Variants in SPIDR observed in about 807,000 individuals in gnomAD.
SPIDR encodes the protein scaffold protein involved in DNA repair, also known as DNA repair-scaffolding protein.
A neutral mutation model predicts 104.6 loss-of-function variants in SPIDR; 93 were observed. The ratio of observed to expected loss-of-function variants is 0.89; its 90% CI spans 0.75 to 1.06. The LOEUF is 1.06. Among genes scored for constraint, SPIDR ranks in the 50% least tolerant of loss-of-function variants. The probability of loss-of-function intolerance (pLI) is 0.00; values close to 1 mark genes in which losing one functional copy is unlikely to be tolerated. For missense variants in SPIDR, 1,154 were observed against 1,111.2 expected (o/e 1.04, Z -0.55); for synonymous variants, 431 against 416.9 (o/e 1.03, Z -0.41).
chr8:47,629,360 G>A (rs1263965949), intron 10 of SPIDR, among the ~76,000 whole-genome samples: 8 of 152,088 alleles, frequency 5.3e-5, no homozygotes, highest in African/African-American at 1.2e-4. Flanking sequence ...TAGGCTTGGC[G>A]GGCCATACCA....
chr8:47,378,361 A>G (rs1554643607), intron 5 of SPIDR, among the ~76,000 whole-genome samples: 1 of 152,248 alleles, frequency 6.6e-6, no homozygotes, highest in East Asian at 1.9e-4. Flanking sequence ...CCTTAATACT[A>G]AAGTCCTTGG....
chr8:47,597,497 G>A (rs969583349), intron 9 of SPIDR, among the ~76,000 whole-genome samples: 4 of 152,038 alleles, frequency 2.6e-5, no homozygotes, highest in African/African-American at 4.8e-5. Flanking sequence ...GGAATTTTTC[G>A]TCTCCATCAT....
chr8:47,585,135 G>A (rs75818181), intron 8 of SPIDR, among the ~76,000 whole-genome samples: 4 of 152,242 alleles, frequency 2.6e-5, no homozygotes, highest in East Asian at 1.9e-4. Flanking sequence ...ATATGCCTCC[G>A]TGTTAGGCAA....
chr8:47,511,615 T>C lies in SPIDR; in HGVS notation c.1097+71073T>C, dbSNP rs116286988. 84 of 789,836 alleles carry C rather than the reference T, an allele frequency of 1.1e-4. No individual in the cohort carries two copies. The African/African-American group carries it at 1.2e-3, about 11-fold the overall frequency. 48.9% of individuals were successfully genotyped at this position (789,836 alleles called of 1,614,324 possible). ...TTTCAGTACTACATGAACATCTTGG[T>C]TGGAATGATGTCTCTTTTCTCCTGC... On this transcript the variant is annotated intron_variant, in intron 8 of 19. Transcript: ENST00000297423.
At chr8:47,569,160 G>A (rs949436787) in intron 8 of SPIDR, among the ~76,000 whole-genome samples, 5 of 152,178 alleles carry the variant, frequency 3.3e-5, no homozygotes, top group South Asian at 2.1e-4. Context: ...TAAATCAAAA[G>A]CAGTTACAAG....
intron 7 of SPIDR, among the ~76,000 whole-genome samples, chr8:47,426,729 A>G (rs2066475623): frequency 6.6e-6 from 1 of 152,236 alleles, no homozygotes; most frequent in African/African-American, 2.4e-5. Flanking sequence ...AGAAGGGAAA[A>G]GAAGTGTGAG....
At chr8:47,322,483 G>A (rs944890574) in intron 5 of SPIDR, among the ~76,000 whole-genome samples, 5 of 152,192 alleles carry the variant, frequency 3.3e-5, no homozygotes, top group East Asian at 1.9e-4. Context: ...CTTTTACACC[G>A]TTGGTGGGAC....
intron 8 of SPIDR, chr8:47,511,438 T>G: frequency 1.3e-6 from 1 of 794,532 alleles, no homozygotes; most frequent in South Asian, 1.4e-5. Context: ...CTGATGTTCC[T>G]CCATATCCAA....
intron 5 of SPIDR, among the ~76,000 whole-genome samples, chr8:47,363,199 C>CTTTTTTTTTTTT (rs34705214): frequency 2.5e-5 from 2 of 79,694 alleles, no homozygotes; most frequent in African/African-American, 5.3e-5. Context: ...CTTTATCTCT[C>CTTTTTTTTTTTT]TTTTTTTTTT....
intron 7 of SPIDR, among the ~76,000 whole-genome samples, chr8:47,421,553 GA>G (rs2065468141): frequency 1.3e-5 from 2 of 152,158 alleles, no homozygotes; most frequent in African/African-American, 2.4e-5. Flanking sequence ...CCATGGGTTT[GA>G]ACTTCCTGCT....
intron 8 of SPIDR, among the ~76,000 whole-genome samples, chr8:47,500,437 T>G (rs2080208361): frequency 6.6e-6 from 1 of 152,262 alleles, no homozygotes; most frequent in Non-Finnish European, 1.5e-5. Context: ...TGCATAAATG[T>G]CTTCTTTTGA....
chr8:47,322,416 G>T (rs1204605286), intron 5 of SPIDR, among the ~76,000 whole-genome samples: 2 of 152,150 alleles, frequency 1.3e-5, no homozygotes. Context: ...TAGAATGGCA[G>T]TCATTAAGAA....
At chr8:47,647,616 AAGAGAGAGAGAGAGAG>A (rs369414271) in intron 10 of SPIDR, among the ~76,000 whole-genome samples, 12 of 60,460 alleles carry the variant, frequency 2.0e-4, no homozygotes, top group East Asian at 8.5e-4. Context: ...TCCATCTCGA[AAGAGAGAGAGAGAGAG>A]AGAGAGAGAG....
At chr8:47,654,270 C>G (rs1029535483) in intron 10 of SPIDR, 10 of 886,616 alleles carry the variant, frequency 1.1e-5, no homozygotes, top group Admixed American at 4.8e-5. Context: ...CCTGCCTAAT[C>G]CATGTAGGTG....
At chr8:47,389,850 C>T (rs1349986485) in intron 5 of SPIDR, among the ~76,000 whole-genome samples, 1 of 151,922 alleles carries the variant, frequency 6.6e-6, no homozygotes, top group African/African-American at 2.4e-5. Context: ...TGGTGTATAC[C>T]GGGTCTTTCT....
chr8:47,540,034 T>C (rs1436279668), intron 8 of SPIDR, among the ~76,000 whole-genome samples: 2 of 152,196 alleles, frequency 1.3e-5, no homozygotes, highest in African/African-American at 2.4e-5. Flanking sequence ...TTGCTCCAAG[T>C]TGACTGTATT....
intron 8 of SPIDR, among the ~76,000 whole-genome samples, chr8:47,484,632 T>C (rs1230352776): frequency 6.6e-6 from 1 of 152,146 alleles, no homozygotes; most frequent in Non-Finnish European, 1.5e-5. Context: ...TCTGGGCATA[T>C]AAAAGCAACA....
chr8:47,641,026 TA>T (rs983120656), intron 10 of SPIDR, among the ~76,000 whole-genome samples: 8 of 151,836 alleles, frequency 5.3e-5, no homozygotes, highest in African/African-American at 1.9e-4. Context: ...CTGTGATTTT[TA>T]AAAGGAAATT....
intron 16 of SPIDR, among the ~76,000 whole-genome samples, chr8:47,715,957 C>CT (rs1169132235): frequency 2.1e-5 from 3 of 145,250 alleles, no homozygotes; most frequent in African/African-American, 7.8e-5. Flanking sequence ...GTGCCTCTCT[C>CT]TTTTTTCTTT....
Sources: allele counts gnomAD v4.1 joint callset (sites outside exome capture counted in the v4.1 genomes callset), GRCh38; gene constraint gnomAD v4.1.1; transcripts MANE v1.5; gene names NCBI Gene and HGNC (gene_info 2026-07-23, HGNC 2026-07-21).